The following NKTR variants were observed in gnomAD, a reference collection of about 807,000 sequenced individuals.
NKTR encodes the protein NK-tumor recognition protein.
NKTR carries 67 observed loss-of-function variants against 156.3 expected under a neutral mutation model. The observed-to-expected ratio is 0.43, with a 90% CI of 0.35 to 0.53. NKTR has a LOEUF of 0.53. NKTR is among the 20% of genes least tolerant of loss of function. NKTR has a pLI of 0.01. For missense variants in NKTR, 1,604 were observed against 1,730.9 expected (o/e 0.93, Z 1.30); for synonymous variants, 640 against 596.6 (o/e 1.07, Z -1.06).
intron 2 of NKTR, among the ~76,000 whole-genome samples, chr3:42,615,142 A>G (rs564991533): frequency 1.3e-5 from 2 of 151,522 alleles, no homozygotes; most frequent in Non-Finnish European, 2.9e-5. Flanking sequence ...GCAGTGATGC[A>G]ACCTCAGCTC....
In NKTR at chr3:42,642,555, C is replaced by G. The variant is rs1709979640; in HGVS notation, c.4101C>G (p.Thr1367=). Residue 1367 remains threonine, a synonymous_variant, in exon 14 of 17, where the codon ACC becomes ACG. Transcript: ENST00000232978. The stretch of plus-strand genomic sequence containing the variant: ...GAGGATGGTACAGCAGAGGCCGAAC[C>G]AGAAGCCGGAGCAGTTCCTACCGGA... ...RSRGWYSRGR[T]RSRSSSYRSY... The G allele has an allele frequency of 6.2e-7, 1 of 1,614,104 alleles. No homozygotes were observed.
chr3:42,616,952 T>C (rs1707429278), intron 2 of NKTR, among the ~76,000 whole-genome samples: 1 of 152,056 alleles, frequency 6.6e-6, no homozygotes, highest in Non-Finnish European at 1.5e-5. Flanking sequence ...ACAGGGGTCG[T>C]TCTGTGTTGC....
chr3:42,642,630 C>A (rs1577592420), intron 14 of NKTR, 34 bp downstream of exon 14: 1 of 1,467,488 alleles, frequency 6.8e-7, no homozygotes, highest in Non-Finnish European at 9.6e-7. Flanking sequence ...GATGTGGTCT[C>A]CATCATGTCC....
intron 12 of NKTR, 49 bp downstream of exon 12, chr3:42,635,415 T>G: frequency 7.0e-7 from 1 of 1,423,742 alleles, no homozygotes; most frequent in Non-Finnish European, 9.6e-7. Flanking sequence ...ATATTTTAAA[T>G]GTTAAAGGGA....
intron 15 of NKTR, 59 bp from the exon 16 acceptor site, chr3:42,643,843 T>C: frequency 8.3e-7 from 1 of 1,198,202 alleles, no homozygotes. Flanking sequence ...TAAAAAGAAA[T>C]AGGAACATAT....
upstream of NKTR, chr3:42,600,677 G>C (rs1424839124): frequency 1.4e-5 from 3 of 208,922 alleles, no homozygotes; most frequent in African/African-American, 2.3e-5. Context: ...GGCCCGGCCT[G>C]GGGGAGGAGA....
chr3:42,617,104 C>T (rs1379407332), intron 2 of NKTR, among the ~76,000 whole-genome samples: 1 of 152,012 alleles, frequency 6.6e-6, no homozygotes, highest in Non-Finnish European at 1.5e-5. Context: ...GAAGGTGGCT[C>T]TTAACAGTTC....
At chr3:42,618,930 G>T (rs1039998883) in intron 3 of NKTR, 90 bp from the exon 4 acceptor site, 1 of 1,123,122 alleles carries the variant, frequency 8.9e-7, no homozygotes, top group African/African-American at 1.6e-5. Context: ...ACACAGGAAA[G>T]ATTTGACACA....
At chr3:42,620,094 C>T (rs747756398) in intron 5 of NKTR, 181 of 1,523,990 alleles carry the variant, frequency 1.2e-4, no homozygotes, top group Middle Eastern at 1.7e-4. Flanking sequence ...TCCCTTGCAC[C>T]CTTCCTAATA....
intron 2 of NKTR, among the ~76,000 whole-genome samples, chr3:42,616,951 G>A (rs1003054122): frequency 2.0e-5 from 3 of 152,012 alleles, no homozygotes; most frequent in East Asian, 1.9e-4. Context: ...GACAGGGGTC[G>A]TTCTGTGTTG....
At chr3:42,644,737 G>A (rs1056833677) in intron 16 of NKTR, among the ~76,000 whole-genome samples, 1 of 151,996 alleles carries the variant, frequency 6.6e-6, no homozygotes, top group African/African-American at 2.4e-5. Flanking sequence ...GGAGACACAC[G>A]TGTCCTCTTC....
At chr3:42,616,158 G>A (rs948694374) in intron 2 of NKTR, among the ~76,000 whole-genome samples, 1 of 152,174 alleles carries the variant, frequency 6.6e-6, no homozygotes, top group Non-Finnish European at 1.5e-5. Flanking sequence ...CAGTCTTAGT[G>A]ATACAGAGTC....
At chr3:42,620,554 G>A (rs1379166575) in intron 5 of NKTR, 1 of 984,768 alleles carries the variant, frequency 1.0e-6, no homozygotes, top group Non-Finnish European at 1.2e-6. Flanking sequence ...TTTTTCAGAA[G>A]CCTGTTCCCA....
chr3:42,607,234 C>T (rs866970259), intron 2 of NKTR, among the ~76,000 whole-genome samples: 8 of 151,972 alleles, frequency 5.3e-5, no homozygotes, highest in Non-Finnish European at 8.8e-5. Context: ...GGGGTGGGTG[C>T]GTGCGGCTCT....
chr3:42,617,750 T>G, intron 3 of NKTR, 106 bp downstream of exon 3: 1 of 598,208 alleles, frequency 1.7e-6, no homozygotes, highest in Non-Finnish European at 2.9e-6. Context: ...AAATTAGTTT[T>G]GTGAATTAAA....
intron 14 of NKTR, 133 bp downstream of exon 14, chr3:42,642,729 G>GT (rs1709999284): frequency 1.5e-6 from 1 of 666,808 alleles, no homozygotes; most frequent in Non-Finnish European, 2.7e-6. Flanking sequence ...TTCTCATGTA[G>GT]TTTTTTCTAT....
intron 12 of NKTR, 59 bp downstream of exon 12, chr3:42,635,425 A>C: frequency 7.6e-7 from 1 of 1,318,148 alleles, no homozygotes; most frequent in Non-Finnish European, 1.0e-6. Flanking sequence ...TGTTAAAGGG[A>C]TTGGATACAA....
At chr3:42,630,987 C>T in intron 7 of NKTR, 184 bp from the exon 8 acceptor site, 1 of 1,417,664 alleles carries the variant, frequency 7.1e-7, no homozygotes, top group South Asian at 1.6e-5. Context: ...GCCCAGTTTG[C>T]ATAATCGTTT....
chr3:42,633,668 C>T lies in NKTR; in HGVS notation c.862C>T (p.Pro288Ser). ...ACCTGTGGTCCGCCCAGAAGAGATT[C>T]CTCCAGTGCCTGAGAACCGATTTTT... is the stretch of plus-strand genomic sequence containing the variant. ...EKPVVRPEEIPPVPENRFLLR... is the reference protein window; with the variant it reads ...EKPVVRPEEISPVPENRFLLR... Residue 288 changes from proline to serine, a missense_variant, in exon 10 of 17, where the codon CCT becomes TCT. This residue lies in a region of NKTR where 1,255 missense variants were observed against 1,243.7 expected (regional missense o/e 1.01). Transcript: ENST00000232978. The T allele has an allele frequency of 1.9e-6, 3 of 1,614,102 alleles. No homozygotes were observed. Among genetic ancestry groups the T allele is most frequent in the Non-Finnish European group, 2.5e-6 (3 of 1,179,978 alleles).
Sources: allele counts gnomAD v4.1 joint callset (sites outside exome capture counted in the v4.1 genomes callset), GRCh38; gene constraint gnomAD v4.1.1; regional missense constraint gnomAD v4.1.1; transcripts MANE v1.5; gene names NCBI Gene and HGNC (gene_info 2026-07-23, HGNC 2026-07-21).